GRIN1: variants seen among roughly 807,000 people sequenced by gnomAD.
The protein encoded by GRIN1 is glutamate ionotropic receptor NMDA type subunit 1.
A neutral mutation model predicts 103.0 loss-of-function variants in GRIN1; 38 were observed. The observed-to-expected ratio is 0.37, with a 90% CI of 0.28 to 0.48. The LOEUF (loss-of-function observed/expected upper bound fraction) is 0.48. Among genes scored for constraint, GRIN1 ranks in the 20% least tolerant of loss-of-function variants. The probability of loss-of-function intolerance (pLI) is 0.98; values close to 1 mark genes in which losing one functional copy is unlikely to be tolerated. For missense variants in GRIN1, 577 were observed against 1,288.9 expected, an observed-to-expected ratio of 0.45 and a Z score of 8.46; for synonymous variants, 544 against 532.7, an observed-to-expected ratio of 1.02 and a Z score of -0.29.
At chr9:137,141,716 G>A (rs978604893) in intron 1 of GRIN1, among the ~76,000 whole-genome samples, 9 of 152,236 alleles carry the variant, frequency 5.9e-5, no homozygotes, top group Admixed American at 1.3e-4. Context: ...GGTGCGTCCC[G>A]TGCTCCAGGC....
At chr9:137,148,917 C>T (rs894929145) in intron 3 of GRIN1, 92 bp from the exon 4 acceptor site, 11 of 915,456 alleles carry the variant, frequency 1.2e-5, no homozygotes, top group East Asian at 5.2e-5. Context: ...TAAGCTGCCT[C>T]GGGGTTCCCA....
At position 137,168,362 on chromosome 9, in the gene GRIN1, G is replaced by T; in HGVS notation, c.*835G>T. Reference sequence around the variant, plus strand: ...GGGGCTGGCCCTGCCCTCCCCCACGGCCGTCCCTGACTTCCCAGCTGGCAG... The same window carrying T: ...GGGGCTGGCCCTGCCCTCCCCCACGTCCGTCCCTGACTTCCCAGCTGGCAG... On this transcript the variant is annotated 3_prime_UTR_variant, in exon 20 of 20. Coordinates refer to ENST00000371561, the MANE Select transcript of GRIN1 (RefSeq NM_007327.4). 5.6e-6 allele frequency: 1 copy of T among 178,418 alleles called. No individual in the cohort carries two copies. Among genetic ancestry groups the T allele is most frequent in the Non-Finnish European group, 1.2e-5 (1 of 86,394 alleles). 11.1% of individuals were successfully genotyped at this position (178,418 alleles called of 1,614,324 possible).
rs1833973341 is a variant in GRIN1 at position 137,168,067 on chromosome 9, C to T, written c.*540C>T. 3.3e-6 allele frequency: 2 copies of T among 598,214 alleles called. No individual in the cohort carries two copies. Among genetic ancestry groups the T allele is most frequent in the Non-Finnish European group, 5.9e-6 (2 of 337,400 alleles). 37.1% of individuals were successfully genotyped at this position (598,214 alleles called of 1,614,324 possible). On this transcript the variant is annotated 3_prime_UTR_variant, in exon 20 of 20. Transcript: ENST00000371561. ...GCAGAGCTGAGTCGGCTGGGCAGGG[C>T]CGCAGGGCGCTCCGGCAGAGGCAGG...
chr9:137,166,362 A>G (rs1833878730), intron 19 of GRIN1, among the ~76,000 whole-genome samples: 1 of 152,194 alleles, frequency 6.6e-6, no homozygotes, highest in South Asian at 2.1e-4. Context: ...CATGGTGGGG[A>G]GGGGCTGCCC....
chr9:137,155,265 C>G (rs777025638), intron 4 of GRIN1, among the ~76,000 whole-genome samples: 1 of 152,136 alleles, frequency 6.6e-6, no homozygotes, highest in South Asian at 2.1e-4. Flanking sequence ...ACTTTGATAG[C>G]GGGCATGCTG....
chr9:137,160,995 G>C, intron 8 of GRIN1, 61 bp from the exon 9 acceptor site: 1 of 1,609,070 alleles, frequency 6.2e-7, no homozygotes, highest in African/African-American at 1.3e-5. Flanking sequence ...GCTGAGAAGA[G>C]ACTGCCGCCC....
At chr9:137,155,951 A>T (rs1489822649) in intron 4 of GRIN1, among the ~76,000 whole-genome samples, 1 of 152,192 alleles carries the variant, frequency 6.6e-6, no homozygotes, top group Admixed American at 6.5e-5. Context: ...GGCCGTCCCC[A>T]GGACGCTGGA....
intron 19 of GRIN1, 132 bp downstream of exon 19, chr9:137,165,428 C>T (rs936158291): frequency 2.5e-5 from 18 of 713,420 alleles, no homozygotes; most frequent in African/African-American, 2.1e-4. Context: ...CTGTGGCGGC[C>T]GCTCTGCCCA....
At chr9:137,161,655 T>C (rs1588729165) in intron 10 of GRIN1, among the ~76,000 whole-genome samples, 1 of 18,514 alleles carries the variant, frequency 5.4e-5, no homozygotes, top group South Asian at 1.6e-3. Flanking sequence ...TCGGAGTGGG[T>C]GGGGCACGGA....
rs201713940 is a variant in GRIN1 at position 137,145,818 on chromosome 9, C to T, written c.486C>T (p.His162=). The T allele has an allele frequency of 4.3e-6, 7 of 1,613,040 alleles. No homozygotes were observed. The highest frequency in any genetic ancestry group is 1.3e-5 in the African/African-American group (1 of 75,020). The change falls in exon 3 of 20, where the codon CAC becomes CAT. Residue 162 remains histidine (H), a synonymous_variant. Transcript: ENST00000371561. Reference sequence around the variant, plus strand: ...TGATGCGTGTCTACAGCTGGAACCACATCATCCTGCTGGTCAGCGACGACC... The same window carrying T: ...TGATGCGTGTCTACAGCTGGAACCATATCATCCTGCTGGTCAGCGACGACC... The part of the protein sequence containing the change: ...FEMMRVYSWN[H]IILLVSDDHE...
chr9:137,144,392 C>T (rs375065301), intron 2 of GRIN1, among the ~76,000 whole-genome samples: 91 of 149,400 alleles, frequency 6.1e-4, no homozygotes, highest in East Asian at 3.7e-3. Flanking sequence ...CGGTGGCTCA[C>T]GCCTGTAATC....
chr9:137,160,539 C>T (rs189457652), intron 8 of GRIN1, among the ~76,000 whole-genome samples: 5,938 of 152,252 alleles, frequency 0.039, 366 homozygotes, highest in African/African-American at 0.13. Flanking sequence ...ACGCCATTCT[C>T]CTGCCTCAGC....
chr9:137,141,143 C>T (rs1016608745), intron 1 of GRIN1, among the ~76,000 whole-genome samples: 15 of 152,350 alleles, frequency 9.8e-5, no homozygotes, highest in African/African-American at 3.4e-4. Context: ...CTACCACTCA[C>T]GGAACACACC....
At position 137,168,592 on chromosome 9, in the gene GRIN1, G is replaced by C; in HGVS notation, c.*1065G>C. ...CTCGCTCCGGGTGCGTGACCGGCCCGCCACCTTGTACAGAACCAGCACTCC... is the reference window on the plus strand; with the variant it reads ...CTCGCTCCGGGTGCGTGACCGGCCCCCCACCTTGTACAGAACCAGCACTCC... On this transcript the variant is annotated 3_prime_UTR_variant, in exon 20 of 20. Transcript: ENST00000371561. 1 of 310,724 alleles carries C rather than the reference G, an allele frequency of 3.2e-6. No homozygotes were observed. 19.2% of individuals were successfully genotyped at this position (310,724 alleles called of 1,614,324 possible). A position where few individuals can be genotyped will look rare whatever the true frequency, so the allele number is the denominator to read the frequency against.
chr9:137,163,926 G>T lies in GRIN1; in HGVS notation c.2589+22G>T. ...GCAGGTAGGGCAGGCCACCCTCCGAGGCCTGGTGCCCAGGGCCCGGCCTGG... is the reference window on the plus strand; with the variant it reads ...GCAGGTAGGGCAGGCCACCCTCCGATGCCTGGTGCCCAGGGCCCGGCCTGG... On this transcript the variant is annotated intron_variant, in intron 18 of 19. Transcript: ENST00000371561. 3 of 1,611,728 alleles carry T rather than the reference G, an allele frequency of 1.9e-6. No homozygotes were observed. The South Asian group carries it at 3.3e-5, about 18-fold the overall frequency.
intron 10 of GRIN1, among the ~76,000 whole-genome samples, chr9:137,161,701 CGGGACGTGGAGTGG>C (rs2131294810): frequency 2.2e-4 from 1 of 4,572 alleles, no homozygotes; most frequent in South Asian, 6.3e-3. Context: ...CTGGAGTGGG[CGGGACGTGGAGTGG>C]GCGGGGCCTG....
intron 2 of GRIN1, among the ~76,000 whole-genome samples, chr9:137,143,071 T>C (rs1333493609): frequency 6.6e-6 from 1 of 152,250 alleles, no homozygotes; most frequent in Non-Finnish European, 1.5e-5. Flanking sequence ...CTGGGGCCAC[T>C]GGCAGACAGA....
intron 6 of GRIN1, among the ~76,000 whole-genome samples, chr9:137,158,089 G>T (rs575317768): frequency 1.3e-5 from 2 of 152,208 alleles, no homozygotes; most frequent in Non-Finnish European, 2.9e-5. Context: ...TGAGGACAAC[G>T]TCCTAACCCA....
intron 3 of GRIN1, among the ~76,000 whole-genome samples, chr9:137,147,685 G>A (rs961960466): frequency 5.9e-5 from 9 of 152,248 alleles, no homozygotes; most frequent in African/African-American, 1.7e-4. Context: ...CCCAGTTAGT[G>A]AGGATACCTC....
Sources: gnomAD v4.1 joint callset for allele counts (sites outside exome capture counted in the v4.1 genomes callset) on GRCh38, gnomAD v4.1.1 for gene constraint, MANE v1.5 for transcripts, NCBI Gene and HGNC (gene_info 2026-07-23, HGNC 2026-07-21) for gene names.